The following DGKB variants were observed in gnomAD, a reference collection of about 807,000 sequenced individuals.
DGKB encodes the protein 90 kDa diacylglycerol kinase.
DGKB carries 67 observed loss-of-function variants against 114.3 expected under a neutral mutation model. The ratio of observed to expected loss-of-function variants is 0.59; its 90% CI spans 0.48 to 0.72. The LOEUF (loss-of-function observed/expected upper bound fraction) is 0.72. Ranked by LOEUF, DGKB falls within the 30% of genes least tolerant of loss-of-function variation. DGKB has a pLI of 0.00. For missense variants in DGKB, 907 were observed against 975.2 expected (o/e 0.93, Z 0.93); for synonymous variants, 398 against 323.1 (o/e 1.23, Z -2.49).
At chr7:14,319,854 A>G (rs1248626093) in intron 23 of DGKB, among the ~76,000 whole-genome samples, 2 of 152,218 alleles carry the variant, frequency 1.3e-5, no homozygotes, top group African/African-American at 4.8e-5. Flanking sequence ...CAATGTTGGT[A>G]CCTTGTCCCC....
intron 20 of DGKB, among the ~76,000 whole-genome samples, chr7:14,483,075 C>A (rs937934752): frequency 4.6e-5 from 7 of 151,088 alleles, no homozygotes; most frequent in Non-Finnish European, 1.0e-4. Flanking sequence ...GTTTTTCTAT[C>A]TCTTCATAAA....
intron 17 of DGKB, among the ~76,000 whole-genome samples, chr7:14,596,428 G>A (rs1802589619): frequency 6.6e-6 from 1 of 152,094 alleles, no homozygotes; most frequent in South Asian, 2.1e-4. Context: ...TTTTTATCAA[G>A]ACATGTCTTC....
At chr7:14,856,237 C>T (rs1452711528) in intron 1 of DGKB, among the ~76,000 whole-genome samples, 1 of 151,972 alleles carries the variant, frequency 6.6e-6, no homozygotes, top group Non-Finnish European at 1.5e-5. Context: ...TCGTAAAATT[C>T]CAGATTAAAA....
upstream of DGKB, among the ~76,000 whole-genome samples, chr7:14,905,144 T>C (rs1298233380): frequency 6.6e-6 from 1 of 152,024 alleles, no homozygotes; most frequent in African/African-American, 2.4e-5. Context: ...CTATCTTCAT[T>C]ATAAATAAGA....
At chr7:14,165,122 C>G (rs1784436108) in intron 25 of DGKB, among the ~76,000 whole-genome samples, 1 of 152,022 alleles carries the variant, frequency 6.6e-6, no homozygotes, top group Non-Finnish European at 1.5e-5. Flanking sequence ...TACAGATATC[C>G]CAGAAAACAT....
intron 5 of DGKB, among the ~76,000 whole-genome samples, chr7:14,722,018 T>C (rs571007652): frequency 1.3e-5 from 2 of 152,312 alleles, no homozygotes; most frequent in Non-Finnish European, 2.9e-5. Context: ...TTTATAAAGT[T>C]ATTACCCACT....
At position 14,958,860 on chromosome 7, in the gene DGKB, G is replaced by T. The variant is rs1463913278; in HGVS notation, c.-188+15836C>A. Among the ~76,000 whole-genome samples, 3 of 151,960 alleles carry T rather than the reference G, an allele frequency of 2.0e-5. No individual in the cohort carries two copies. The East Asian group carries it at 5.8e-4, about 30-fold the overall frequency. On this transcript the variant is annotated intron_variant, in intron 1 of 4. Coordinates refer to the DGKB transcript ENST00000437998. Reference sequence around the variant, plus strand: ...GTGGGAGCCTCCCTTAAGAACAAAAGCCTTTAGGTGGATTAAAATCCTATA... The same window carrying T: ...GTGGGAGCCTCCCTTAAGAACAAAATCCTTTAGGTGGATTAAAATCCTATA...
intron 13 of DGKB, among the ~76,000 whole-genome samples, chr7:14,671,568 T>C (rs1284674546): frequency 6.6e-6 from 1 of 152,112 alleles, no homozygotes; most frequent in Non-Finnish European, 1.5e-5. Context: ...AAAGAAGTGA[T>C]AGCATAATAA....
At chr7:14,880,578 A>G (rs1854068056) in intron 1 of DGKB, among the ~76,000 whole-genome samples, 2 of 152,214 alleles carry the variant, frequency 1.3e-5, no homozygotes, top group African/African-American at 2.4e-5. Context: ...GAACTTACAA[A>G]TGGAAGAGGT....
intron 20 of DGKB, among the ~76,000 whole-genome samples, chr7:14,506,880 T>C (rs1274348731): frequency 6.6e-6 from 1 of 152,218 alleles, no homozygotes; most frequent in Non-Finnish European, 1.5e-5. Context: ...GGATTGTAAG[T>C]AGAAGTCATA....
intron 1 of DGKB, among the ~76,000 whole-genome samples, chr7:14,922,511 T>C (rs1784559352): frequency 6.6e-6 from 1 of 151,612 alleles, no homozygotes; most frequent in South Asian, 2.1e-4. Context: ...AGATGGTGGG[T>C]ATGGAGATTG....
chr7:14,800,211 C>T (rs1034337305), intron 2 of DGKB, among the ~76,000 whole-genome samples: 5 of 152,178 alleles, frequency 3.3e-5, no homozygotes, highest in East Asian at 1.9e-4. Context: ...CCACCGCGCT[C>T]GGTCTAGTCT....
intron 17 of DGKB, among the ~76,000 whole-genome samples, chr7:14,602,934 A>C (rs949929716): frequency 6.6e-6 from 1 of 152,124 alleles, no homozygotes; most frequent in Non-Finnish European, 1.5e-5. Flanking sequence ...CTCTAGTCTA[A>C]TTGCTATTTG....
chr7:14,645,116 A>G (rs1812673738), intron 13 of DGKB, among the ~76,000 whole-genome samples: 1 of 152,090 alleles, frequency 6.6e-6, no homozygotes, highest in South Asian at 2.1e-4. Context: ...TTTCAAGACC[A>G]ACCATGGACC....
chr7:14,926,532 G>A (rs1471064664), intron 1 of DGKB, among the ~76,000 whole-genome samples: 1 of 150,138 alleles, frequency 6.7e-6, no homozygotes, highest in African/African-American at 2.4e-5. Context: ...GGGAGGATCT[G>A]TGAAGAATAA....
intron 2 of DGKB, among the ~76,000 whole-genome samples, chr7:14,773,269 T>G (rs1837681098): frequency 6.6e-6 from 1 of 152,128 alleles, no homozygotes; most frequent in Non-Finnish European, 1.5e-5. Context: ...GTTTCAGTAT[T>G]TATTATTACT....
intron 23 of DGKB, among the ~76,000 whole-genome samples, chr7:14,244,750 G>C (rs113664361): frequency 6.6e-6 from 1 of 150,874 alleles, no homozygotes; most frequent in Non-Finnish European, 1.5e-5. Context: ...GAGGGTGACT[G>C]GTCCCTTTCC....
In DGKB at chr7:14,145,861, AAGG is replaced by A. The variant is rs1434362172; in HGVS notation, c.*3267_*3269del. On this transcript the variant is annotated 3_prime_UTR_variant, in exon 26 of 26. Coordinates refer to ENST00000402815, the MANE Select transcript of DGKB (RefSeq NM_001350709.2). ...CATTCAAGAATACAGTGTGAGATTC[AAGG>A]AGAATACAGTGTGAGATTCAAAACA... The A allele has an allele frequency of 1.3e-5, 2 of 152,216 alleles. No individual in the cohort carries two copies. The highest frequency in any genetic ancestry group is 2.9e-5 in the Non-Finnish European group (2 of 68,038). The allele number at this position is 152,216 out of a possible 1,614,324, so 9.4% of individuals were successfully genotyped here. A position where few individuals can be genotyped will look rare whatever the true frequency, so the allele number is the denominator to read the frequency against.
At chr7:14,170,203 A>T (rs893887273) in intron 25 of DGKB, among the ~76,000 whole-genome samples, 1 of 149,076 alleles carries the variant, frequency 6.7e-6, no homozygotes, top group Non-Finnish European at 1.5e-5. Context: ...GAAAGAAAGA[A>T]ATACATTAAG....
Sources: gnomAD v4.1 joint callset for allele counts (sites outside exome capture counted in the v4.1 genomes callset) on GRCh38, gnomAD v4.1.1 for gene constraint, MANE v1.5 for transcripts, NCBI Gene and HGNC (gene_info 2026-07-23, HGNC 2026-07-21) for gene names.